INPP4B: variants seen among roughly 807,000 people sequenced by gnomAD.
INPP4B encodes the protein inositol polyphosphate-4-phosphatase type II B.
A neutral mutation model predicts 122.5 loss-of-function variants in INPP4B; 55 were observed. The observed-to-expected ratio is 0.45, with a 90% CI of 0.36 to 0.56. INPP4B has a LOEUF of 0.56. Among genes scored for constraint, INPP4B ranks in the 20% least tolerant of loss-of-function variants. The pLI is 0.00. For missense variants in INPP4B, 1,000 were observed against 1,097.7 expected (o/e 0.91, Z 1.26); for synonymous variants, 403 against 388.7 (o/e 1.04, Z -0.43).
chr4:142,055,085 T>C (rs1756879696), intron 25 of INPP4B, among the ~76,000 whole-genome samples: 2 of 152,206 alleles, frequency 1.3e-5, no homozygotes, highest in Middle Eastern at 3.4e-3. Flanking sequence ...TTCCTGATGT[T>C]AAGTCACTAT....
intron 11 of INPP4B, among the ~76,000 whole-genome samples, chr4:142,246,076 CACATTATATATATGTGTGTGTGTAT>C (rs1198631447): frequency 1.0e-4 from 15 of 144,310 alleles, no homozygotes; most frequent in African/African-American, 3.9e-4. Flanking sequence ...TGTGTATACA[CACATTATATATATGTGTGTGTGTAT>C]ACACACATAT....
rs561906338 is a variant in INPP4B, at chr4:142,287,050, G to A, written c.504-16276C>T. 9 of 152,234 alleles carry A rather than the reference G, an allele frequency of 5.9e-5. No homozygotes were observed. In the South Asian group the frequency reaches 1.9e-3, roughly 32 times the overall value. 9.4% of individuals were successfully genotyped at this position (152,234 alleles called of 1,614,324 possible). On this transcript the variant is annotated intron_variant, in intron 9 of 25. Transcript: ENST00000262992. ...AGGCTTCTTCTCATAGATGAGTATA[G>A]CAGTGTGAGCTTTCCTATACATCTC...
chr4:142,804,095 AAAT>A (rs919243404), intron 1 of INPP4B, among the ~76,000 whole-genome samples: 1 of 150,748 alleles, frequency 6.6e-6, no homozygotes, highest in Admixed American at 6.6e-5. Context: ...ATAAATAAAT[AAAT>A]AAAATCATAG....
intron 2 of INPP4B, among the ~76,000 whole-genome samples, chr4:142,638,732 G>C (rs553642937): frequency 1.3e-5 from 2 of 151,910 alleles, no homozygotes; most frequent in East Asian, 1.9e-4. Context: ...TTTTTCAGTG[G>C]AGACGGGGTT....
chr4:142,452,922 TG>T (rs1814622473), intron 3 of INPP4B, among the ~76,000 whole-genome samples: 1 of 151,234 alleles, frequency 6.6e-6, no homozygotes, highest in Admixed American at 6.6e-5. Context: ...AAAAAAAAAA[TG>T]GAACACGAGC....
In INPP4B at chr4:142,208,421, A is replaced by T; in HGVS notation, c.1072+4T>A. On this transcript the variant is annotated splice_donor_region_variant and intron_variant, in intron 14 of 25. Coordinates refer to ENST00000262992, the MANE Select transcript of INPP4B (RefSeq NM_001101669.3). ...GCTATTTTTAAAAGAATAATTTATG[A>T]TACCTTTCAAGTGAGGGCTGTGTAC... 1 of 1,480,938 alleles carries T rather than the reference A, an allele frequency of 6.8e-7. No homozygotes were observed. The highest frequency in any genetic ancestry group is 9.3e-7 in the Non-Finnish European group (1 of 1,076,982). 91.7% of individuals were successfully genotyped at this position (1,480,938 alleles called of 1,614,324 possible). A position where few individuals can be genotyped will look rare whatever the true frequency, so the allele number is the denominator to read the frequency against.
At chr4:142,160,327 T>C (rs766663853) in intron 17 of INPP4B, 31 bp downstream of exon 17, 3 of 1,334,818 alleles carry the variant, frequency 2.2e-6, no homozygotes, top group Admixed American at 2.2e-5. Flanking sequence ...TTGCCAAACA[T>C]TGAGAGGCAA....
chr4:142,485,001 C>T (rs1383781193), intron 2 of INPP4B, among the ~76,000 whole-genome samples: 2 of 152,032 alleles, frequency 1.3e-5, no homozygotes, highest in Non-Finnish European at 2.9e-5. Flanking sequence ...CTTGGGTGCA[C>T]AAAAGCAGAA....
chr4:142,555,288 T>C (rs1728900369), intron 2 of INPP4B, among the ~76,000 whole-genome samples: 1 of 152,166 alleles, frequency 6.6e-6, no homozygotes, highest in Admixed American at 6.5e-5. Flanking sequence ...AATTGTAGAC[T>C]GAAAAAGCTT....
chr4:142,785,495 TC>T (rs1256538233), intron 1 of INPP4B, among the ~76,000 whole-genome samples: 1 of 151,818 alleles, frequency 6.6e-6, no homozygotes, highest in Non-Finnish European at 1.5e-5. Context: ...TAAGAAAGAA[TC>T]AAAAGAACAT....
chr4:142,561,087 A>G (rs542948114), intron 2 of INPP4B, among the ~76,000 whole-genome samples: 1 of 152,362 alleles, frequency 6.6e-6, no homozygotes, highest in South Asian at 2.1e-4. Flanking sequence ...GCACTTAAAT[A>G]TAACAGAAAA....
At chr4:142,212,576 A>T (rs994990360) in intron 12 of INPP4B, among the ~76,000 whole-genome samples, 3 of 152,088 alleles carry the variant, frequency 2.0e-5, no homozygotes, top group Admixed American at 1.3e-4. Context: ...CATGGTGGTG[A>T]GCATGGATAT....
intron 8 of INPP4B, chr4:142,305,854 G>A (rs1763154636): frequency 9.1e-7 from 1 of 1,102,126 alleles, no homozygotes; most frequent in Non-Finnish European, 1.1e-6. Context: ...GAAAATAAAA[G>A]ATGATATATT....
intron 1 of INPP4B, among the ~76,000 whole-genome samples, chr4:142,787,303 T>C (rs1408437188): frequency 1.3e-5 from 2 of 152,236 alleles, no homozygotes; most frequent in East Asian, 1.9e-4. Context: ...ATGCAGTCTC[T>C]GCTCTCATGA....
intron 3 of INPP4B, 53 bp from the exon 4 acceptor site, chr4:142,431,438 C>T (rs1373389594): frequency 5.0e-6 from 3 of 595,988 alleles, no homozygotes; most frequent in Non-Finnish European, 8.9e-6. Context: ...CAGTATAAAG[C>T]TAAAAAGTAA....
At chr4:142,411,015 A>T (rs182911651) in intron 5 of INPP4B, among the ~76,000 whole-genome samples, 193 of 152,262 alleles carry the variant, frequency 1.3e-3, no homozygotes, top group African/African-American at 4.3e-3. Flanking sequence ...CATTTTTAAA[A>T]GCTCTTTACT....
chr4:142,207,657 A>G (rs1478073094), intron 14 of INPP4B, among the ~76,000 whole-genome samples: 6 of 152,164 alleles, frequency 3.9e-5, no homozygotes, highest in Non-Finnish European at 5.9e-5. Flanking sequence ...AAGCGAGGGT[A>G]TCATTAATGG....
intron 5 of INPP4B, among the ~76,000 whole-genome samples, chr4:142,416,320 C>A (rs886116994): frequency 1.3e-5 from 2 of 152,062 alleles, no homozygotes; most frequent in Admixed American, 1.3e-4. Flanking sequence ...ACTTCCCATA[C>A]AACACACTGA....
chr4:142,573,732 G>A (rs1024657759), intron 2 of INPP4B, among the ~76,000 whole-genome samples: 1 of 152,046 alleles, frequency 6.6e-6, no homozygotes. Context: ...CATTGACCAA[G>A]TTTAGCTTAA....
Sources: allele counts gnomAD v4.1 joint callset (sites outside exome capture counted in the v4.1 genomes callset), GRCh38; gene constraint gnomAD v4.1.1; transcripts MANE v1.5; gene names NCBI Gene and HGNC (gene_info 2026-07-23, HGNC 2026-07-21).